ZNF362: variants seen among roughly 807,000 people sequenced by gnomAD.
ZNF362 encodes rotund homolog.
Under a neutral mutation model 42.9 loss-of-function variants are expected in ZNF362, and 11 were observed. The observed-to-expected ratio is 0.26, with a 90% confidence interval of 0.16 to 0.42. The LOEUF is 0.42. Among genes scored for constraint, ZNF362 ranks in the 20% least tolerant of loss-of-function variants. The pLI is 1.00. For missense variants in ZNF362, 362 were observed against 576.2 expected (o/e 0.63, Z 3.81); for synonymous variants, 255 against 257.3 (o/e 0.99, Z 0.09).
chr1:33,136,830 C>T, the ZNF362 span, among the ~76,000 whole-genome samples: 1 of 151,606 alleles, frequency 6.6e-6, no homozygotes, highest in Non-Finnish European at 1.5e-5. Context: ...AACCCTGTCT[C>T]TACTAAAAAT....
At chr1:33,236,575 A>T in the ZNF362 span, among the ~76,000 whole-genome samples, 1 of 114,678 alleles carries the variant, frequency 8.7e-6, no homozygotes, top group Non-Finnish European at 1.8e-5. Context: ...ATATATATAC[A>T]TACACACACA....
At chr1:33,160,402 T>G in the ZNF362 span, among the ~76,000 whole-genome samples, 1 of 151,854 alleles carries the variant, frequency 6.6e-6, no homozygotes, top group Non-Finnish European at 1.5e-5. Context: ...TTTTTTTGCT[T>G]TTATTATTAT....
At chr1:33,264,789 C>G (rs1405697660) in intron 1 of ZNF362, among the ~76,000 whole-genome samples, 2 of 152,066 alleles carry the variant, frequency 1.3e-5, no homozygotes, top group African/African-American at 4.8e-5. Context: ...AGTTACCTCT[C>G]TGAGCCTCAT....
chr1:33,246,537 G>GGGACCCTCT, the ZNF362 span, among the ~76,000 whole-genome samples: 2 of 152,186 alleles, frequency 1.3e-5, no homozygotes, highest in South Asian at 4.1e-4. Flanking sequence ...TGCTCACATA[G>GGGACCCTCT]GACTGGGTCC....
chr1:33,248,134 A>G, the ZNF362 span, among the ~76,000 whole-genome samples: 1 of 152,244 alleles, frequency 6.6e-6, no homozygotes, highest in African/African-American at 2.4e-5. Flanking sequence ...TCTGACCTCA[A>G]AGCACTAATG....
At position 33,276,434 on chromosome 1, in the gene ZNF362, CTCG is replaced by C. The variant is rs746193821; in HGVS notation, c.193_195del (p.Ser65del). 2 of 1,581,406 alleles carry C rather than the reference CTCG, an allele frequency of 1.3e-6. No homozygotes were observed. The highest frequency in any genetic ancestry group is 4.7e-5 in the East Asian group (2 of 42,890). ...CGCCTCACCTGCCGCCCACGTCGGC[CTCG>C]TCGCAGCAGCCGTTGCTAGTGCCGC... On this transcript the variant is annotated inframe_deletion, in exon 4 of 9. Transcript: ENST00000539719.
At chr1:33,219,957 C>T in the ZNF362 span, among the ~76,000 whole-genome samples, 1 of 152,236 alleles carries the variant, frequency 6.6e-6, no homozygotes, top group Non-Finnish European at 1.5e-5. Flanking sequence ...CTACTCCTCC[C>T]TTATACTGGG....
intron 6 of ZNF362, among the ~76,000 whole-genome samples, chr1:33,283,537 C>T (rs1455426664): frequency 6.6e-6 from 1 of 152,000 alleles, no homozygotes; most frequent in Non-Finnish European, 1.5e-5. Context: ...CCCATTGCTA[C>T]AGAAAAATAC....
the ZNF362 span, among the ~76,000 whole-genome samples, chr1:33,133,923 C>A: frequency 2.0e-5 from 3 of 152,200 alleles, no homozygotes; most frequent in Admixed American, 2.0e-4. Context: ...ATCCTAATAC[C>A]ACCAGATGCT....
chr1:33,177,934 G>T, the ZNF362 span, among the ~76,000 whole-genome samples: 1 of 152,162 alleles, frequency 6.6e-6, no homozygotes, highest in Admixed American at 6.5e-5. This position sits in a 1 kb window ranked among gnomAD's most constrained non-coding sequence, Gnocchi z 4.1. Flanking sequence ...GCTCAGAGAT[G>T]GTAAATAATC....
chr1:33,141,250 C>A, the ZNF362 span, among the ~76,000 whole-genome samples: 1 of 151,998 alleles, frequency 6.6e-6, no homozygotes, highest in Non-Finnish European at 1.5e-5. Flanking sequence ...GATGTGGGAC[C>A]CTTCTCCTCT....
intron 1 of ZNF362, among the ~76,000 whole-genome samples, chr1:33,263,354 A>T (rs965148269): frequency 6.6e-6 from 1 of 152,150 alleles, no homozygotes; most frequent in Non-Finnish European, 1.5e-5. Context: ...ACTGATGTAT[A>T]TAGGTCCCTG....
Position 33,280,006 on chromosome 1 carries a change from G to T in ZNF362, c.350-118G>T. On this transcript the variant is annotated intron_variant, in intron 4 of 8. Transcript: ENST00000539719. The surrounding 1 kb of genome is among the most constrained non-coding windows in gnomAD (Gnocchi z 5.6). ...CAAGGTCTCATTTAGTTACCCCTGG[G>T]TAATAACTTATGAACGTTAAGGGGA... is the stretch of plus-strand genomic sequence containing the variant. The T allele has an allele frequency of 8.1e-7, 1 of 1,236,640 alleles. No individual in the cohort carries two copies. Among genetic ancestry groups the T allele is most frequent in the East Asian group, 2.6e-5 (1 of 38,770 alleles). 76.6% of individuals were successfully genotyped at this position (1,236,640 alleles called of 1,614,324 possible).
At chr1:33,147,391 G>A in the ZNF362 span, 8 of 1,614,160 alleles carry the variant, frequency 5.0e-6, no homozygotes, top group South Asian at 1.1e-5. This position sits in a 1 kb window ranked among gnomAD's most constrained non-coding sequence, Gnocchi z 8.1. Context: ...GTTAAGCCGC[G>A]TCCAGGGCTC....
At chr1:33,287,966 C>G (rs1054258706) in intron 6 of ZNF362, among the ~76,000 whole-genome samples, 1 of 152,166 alleles carries the variant, frequency 6.6e-6, no homozygotes, top group Non-Finnish European at 1.5e-5. Context: ...TGCCAAAAGC[C>G]ATATCATGGC....
At chr1:33,229,209 C>T in the ZNF362 span, among the ~76,000 whole-genome samples, 103,682 of 151,748 alleles carry the variant, frequency 0.68, 35,916 homozygotes, top group Non-Finnish European at 0.74. Flanking sequence ...TGACCCCACA[C>T]GCACTGACAT....
At chr1:33,245,201 C>A in the ZNF362 span, among the ~76,000 whole-genome samples, 15 of 152,198 alleles carry the variant, frequency 9.9e-5, no homozygotes, top group Non-Finnish European at 1.9e-4. Flanking sequence ...GATGACCCTT[C>A]ATTTAATCCA....
chr1:33,190,686 G>A, the ZNF362 span, among the ~76,000 whole-genome samples: 1 of 152,186 alleles, frequency 6.6e-6, no homozygotes, highest in South Asian at 2.1e-4. Flanking sequence ...TAGTTAAGCT[G>A]TCACCTCTTA....
At chr1:33,290,385 A>ACATGAACT (rs1367013376) in intron 6 of ZNF362, among the ~76,000 whole-genome samples, 2 of 151,812 alleles carry the variant, frequency 1.3e-5, no homozygotes, top group Non-Finnish European at 2.9e-5. Flanking sequence ...CCTACAAAGG[A>ACATGAACT]CATGAACTCA....
Sources: gnomAD v4.1 joint callset for allele counts (sites outside exome capture counted in the v4.1 genomes callset) on GRCh38, gnomAD v4.1.1 for gene constraint, Gnocchi (gnomAD v3.1) non-coding constraint, MANE v1.5 for transcripts, NCBI Gene and HGNC (gene_info 2026-07-23, HGNC 2026-07-21) for gene names.